CACNA2D1: variants seen among roughly 807,000 people sequenced by gnomAD.
CACNA2D1 encodes calcium voltage-gated channel auxiliary subunit alpha2delta 1, also known as voltage-dependent calcium channel subunit alpha-2/delta-1.
In CACNA2D1, 53 loss-of-function variants were observed where a neutral mutation model predicts 171.5. The observed-to-expected ratio is 0.31, with a 90% CI of 0.25 to 0.39. The LOEUF (loss-of-function observed/expected upper bound fraction) is 0.39, where lower values mean the gene tolerates loss of function less well. Among genes scored for constraint, CACNA2D1 ranks in the 10% least tolerant of loss-of-function variants. The probability of loss-of-function intolerance (pLI) is 1.00; values close to 1 mark genes in which losing one functional copy is unlikely to be tolerated. For synonymous variants in CACNA2D1, 442 were observed against 443.1 expected (o/e 1.00, Z 0.03); for missense variants, 903 against 1,299.8 (o/e 0.69, Z 4.69).
Position 81,969,401 on chromosome 7 carries a change from T to G in CACNA2D1, c.2309-428A>C, listed in dbSNP as rs1473572097. On this transcript the variant is annotated intron_variant, in intron 28 of 38. Coordinates refer to ENST00000356860, the MANE Select transcript of CACNA2D1 (RefSeq NM_000722.4). ...GAACTTGTTTCCCCATTTAGGAAAA[T>G]GAAGGTAAATACTACCTATGTGCAA... is the stretch of plus-strand genomic sequence containing the variant. Among the ~76,000 whole-genome samples the G allele has an allele frequency of 4.6e-5, 7 of 151,312 alleles. No homozygotes were observed. The South Asian group carries it at 1.4e-3, about 31-fold the overall frequency.
chr7:82,119,033 A>C (rs1789409120), intron 5 of CACNA2D1, among the ~76,000 whole-genome samples: 1 of 152,064 alleles, frequency 6.6e-6, no homozygotes, highest in South Asian at 2.1e-4. Flanking sequence ...TTTTAATTGA[A>C]ATACAGTAAA....
chr7:81,971,671 C>G (rs1795290078), intron 26 of CACNA2D1, 106 bp downstream of exon 26: 4 of 712,360 alleles, frequency 5.6e-6, no homozygotes, highest in Non-Finnish European at 1.0e-5. Flanking sequence ...AAATATTAAA[C>G]ATTATTAATG....
chr7:82,039,919 T>G (rs1228421608), intron 10 of CACNA2D1, among the ~76,000 whole-genome samples: 3 of 152,196 alleles, frequency 2.0e-5, no homozygotes, highest in African/African-American at 7.2e-5. Flanking sequence ...ATGTGGAGTC[T>G]AATGGAAATG....
At chr7:82,273,991 T>A (rs1585298098) in intron 3 of CACNA2D1, among the ~76,000 whole-genome samples, 1 of 152,200 alleles carries the variant, frequency 6.6e-6, no homozygotes, top group Admixed American at 6.5e-5. Context: ...TAACACACTG[T>A]GACTGCTGTT....
intron 3 of CACNA2D1, among the ~76,000 whole-genome samples, chr7:82,211,615 G>A (rs1800563620): frequency 6.6e-6 from 1 of 152,072 alleles, no homozygotes; most frequent in African/African-American, 2.4e-5. Context: ...ACTGTTGATG[G>A]GCACCTAGGT....
chr7:82,170,956 T>G (rs1432783053), intron 3 of CACNA2D1, among the ~76,000 whole-genome samples: 1 of 152,084 alleles, frequency 6.6e-6, no homozygotes, highest in East Asian at 1.9e-4. Context: ...AATCTTATTT[T>G]TAGTAAATAC....
chr7:82,158,581 CTTTA>C (rs1243495567), intron 4 of CACNA2D1, among the ~76,000 whole-genome samples: 1 of 151,816 alleles, frequency 6.6e-6, no homozygotes, highest in Non-Finnish European at 1.5e-5. Context: ...ACTCATTGTC[CTTTA>C]TTTAAGCCTG....
intron 1 of CACNA2D1, among the ~76,000 whole-genome samples, chr7:82,423,186 C>T (rs1828873755): frequency 6.6e-6 from 1 of 151,846 alleles, no homozygotes; most frequent in African/African-American, 2.4e-5. Flanking sequence ...GCCCCATAGG[C>T]CAAATATATT....
chr7:82,345,892 T>C (rs1819198278), intron 2 of CACNA2D1, among the ~76,000 whole-genome samples: 1 of 152,138 alleles, frequency 6.6e-6, no homozygotes, highest in Admixed American at 6.6e-5. Context: ...CAGATAATAA[T>C]ACATACAAGT....
At chr7:82,342,046 T>G (rs1403210904) in intron 2 of CACNA2D1, among the ~76,000 whole-genome samples, 1 of 89,428 alleles carries the variant, frequency 1.1e-5, no homozygotes, top group East Asian at 3.6e-4. Flanking sequence ...AGCGCGAGAC[T>G]CCGTCTCAAA....
chr7:82,130,241 T>TAAG (rs2067169), intron 5 of CACNA2D1, among the ~76,000 whole-genome samples: 42,261 of 151,868 alleles, frequency 0.28, 6,016 homozygotes, highest in East Asian at 0.43. Flanking sequence ...CTTATACTCT[T>TAAG]GAGGGACCCT....
chr7:82,373,650 A>G (rs1439618179), intron 1 of CACNA2D1, among the ~76,000 whole-genome samples: 2 of 152,164 alleles, frequency 1.3e-5, no homozygotes, highest in Admixed American at 6.5e-5. Context: ...TATGCCTACA[A>G]TCTGGCTAAA....
intron 3 of CACNA2D1, among the ~76,000 whole-genome samples, chr7:82,282,202 G>A (rs1318271317): frequency 6.6e-6 from 1 of 152,192 alleles, no homozygotes; most frequent in Non-Finnish European, 1.5e-5. Flanking sequence ...GGAGGCTGAG[G>A]TAGGAGAATC....
chr7:82,099,422 C>T (rs200343252), intron 6 of CACNA2D1, among the ~76,000 whole-genome samples: 3,062 of 40,126 alleles, frequency 0.076, 436 homozygotes, highest in Non-Finnish European at 0.1. Flanking sequence ...GCAATACCTT[C>T]TTTTTTTTTT....
At chr7:82,007,527 G>T in intron 16 of CACNA2D1, 152 bp downstream of exon 16, 1 of 591,772 alleles carries the variant, frequency 1.7e-6, no homozygotes, top group Non-Finnish European at 3.1e-6. Context: ...TTTCCCAGGT[G>T]GTTATCGCAT....
At chr7:82,073,925 A>G (rs563817436) in intron 7 of CACNA2D1, among the ~76,000 whole-genome samples, 1 of 152,300 alleles carries the variant, frequency 6.6e-6, no homozygotes, top group South Asian at 2.1e-4. Context: ...AATGAATGAT[A>G]AGATGCACAC....
chr7:82,062,729 C>CTT lies in CACNA2D1; in HGVS notation c.779+1573_779+1574dup, dbSNP rs71520797. Among the ~76,000 whole-genome samples, 75 of 52,188 alleles carry CTT rather than the reference C, an allele frequency of 1.4e-3. 19 individuals are homozygous for CTT. The highest frequency in any genetic ancestry group is 2.0e-3 in the Non-Finnish European group (60 of 29,906). 34.2% of individuals were successfully genotyped at this position (52,188 alleles called of 152,430 possible). On this transcript the variant is annotated intron_variant, in intron 9 of 38. Coordinates refer to ENST00000356860, the MANE Select transcript of CACNA2D1 (RefSeq NM_000722.4). Reference sequence around the variant, plus strand: ...TTGTCATTTACATTAGGTATATCTCCTTTTTTTTTTTTTTTTTTTTTTTTT... The same window carrying CTT: ...TTGTCATTTACATTAGGTATATCTCCTTTTTTTTTTTTTTTTTTTTTTTTTTT...
intron 3 of CACNA2D1, among the ~76,000 whole-genome samples, chr7:82,265,892 T>C (rs567553024): frequency 6.6e-6 from 1 of 152,236 alleles, no homozygotes; most frequent in South Asian, 2.1e-4. Context: ...TGGTAACTTA[T>C]TTTATTGGTC....
chr7:82,270,095 T>C (rs143520068), intron 3 of CACNA2D1, among the ~76,000 whole-genome samples: 4 of 152,316 alleles, frequency 2.6e-5, no homozygotes, highest in African/African-American at 9.6e-5. Context: ...TCCAGCTTTA[T>C]AGGCCCATAA....
Sources: allele counts gnomAD v4.1 joint callset (sites outside exome capture counted in the v4.1 genomes callset), GRCh38; gene constraint gnomAD v4.1.1; transcripts MANE v1.5; gene names NCBI Gene and HGNC (gene_info 2026-07-23, HGNC 2026-07-21).